The following RASSF6 variants were observed in gnomAD, a reference collection of about 807,000 sequenced individuals.
RASSF6 encodes ras association domain-containing protein 6.
In RASSF6, 52 loss-of-function variants were observed where a neutral mutation model predicts 44.0. The ratio of observed to expected loss-of-function variants is 1.18; its 90% CI spans 0.95 to 1.49. RASSF6 has a LOEUF of 1.49. RASSF6 is among the 40% of genes most tolerant of loss of function. The probability of loss-of-function intolerance (pLI) is 0.00; values close to 1 mark genes in which losing one functional copy is unlikely to be tolerated. For synonymous variants in RASSF6, 162 were observed against 124.6 expected, an observed-to-expected ratio of 1.30 and a Z score of -2.00; for missense variants, 464 against 393.3, an observed-to-expected ratio of 1.18 and a Z score of -1.52.
At chr4:73,618,116 A>G (rs1464823621) in intron 1 of RASSF6, among the ~76,000 whole-genome samples, 3 of 152,208 alleles carry the variant, frequency 2.0e-5, no homozygotes, top group Non-Finnish European at 4.4e-5. Context: ...TATTTTGAAT[A>G]TAACTGGAAA....
rs1388634689 is a variant in RASSF6, at chr4:73,572,411, A to G, written c.*3824T>C. ...AAAGAGTACATTTTTAAATGTTCTCACCACAAAGAAATTATAAGAGGTTAT... is the reference window on the plus strand; with the variant it reads ...AAAGAGTACATTTTTAAATGTTCTCGCCACAAAGAAATTATAAGAGGTTAT... On this transcript the variant is annotated 3_prime_UTR_variant, in exon 11 of 11. Transcript: ENST00000307439. The G allele has an allele frequency of 6.6e-6, 1 of 152,214 alleles. No homozygotes were observed. The highest frequency in any genetic ancestry group is 2.4e-5 in the African/African-American group (1 of 41,454). The allele number at this position is 152,214 out of a possible 1,614,324, so 9.4% of individuals were successfully genotyped here.
At chr4:73,591,807 C>T (rs1400661878) in intron 4 of RASSF6, among the ~76,000 whole-genome samples, 1 of 152,094 alleles carries the variant, frequency 6.6e-6, no homozygotes, top group African/African-American at 2.4e-5. Flanking sequence ...TTGCTCTATA[C>T]TATGGTTTGA....
At chr4:73,580,714 G>A (rs1320435061) in intron 8 of RASSF6, among the ~76,000 whole-genome samples, 1 of 144,968 alleles carries the variant, frequency 6.9e-6, no homozygotes, top group African/African-American at 2.5e-5. Context: ...ACTTTTTGAT[G>A]GGGTTGTTTG....
chr4:73,602,448 T>A (rs775675317), intron 2 of RASSF6, among the ~76,000 whole-genome samples: 4 of 152,222 alleles, frequency 2.6e-5, no homozygotes, highest in Non-Finnish European at 5.9e-5. Context: ...CTATAATAAT[T>A]ACAGGCATTG....
intron 8 of RASSF6, among the ~76,000 whole-genome samples, chr4:73,578,758 G>A (rs976999696): frequency 4.6e-5 from 7 of 151,682 alleles, no homozygotes; most frequent in Non-Finnish European, 5.9e-5. Context: ...ACAGGTGTGC[G>A]CCACCACACC....
In RASSF6 at chr4:73,585,182, C is replaced by T. The variant is rs1723979128; in HGVS notation, c.565G>A (p.Glu189Lys). Residue 189 changes from glutamate to lysine, a missense_variant and splice_region_variant, in exon 6 of 11, where the codon GAA becomes AAA. Coordinates refer to ENST00000307439, the MANE Select transcript of RASSF6 (RefSeq NM_177532.5). ...TAATGGAATTGTAACTCACTTACTTCATGGTTATAGAAGTGTCCATTAATA... is the reference window on the plus strand; with the variant it reads ...TAATGGAATTGTAACTCACTTACTTTATGGTTATAGAAGTGTCCATTAATA... ...ASINGHFYNHETSIFIPAFES... is the reference protein window; with the variant it reads ...ASINGHFYNHKTSIFIPAFES... 3 of 1,585,470 alleles carry T rather than the reference C, an allele frequency of 1.9e-6. No homozygotes were observed. Among genetic ancestry groups the T allele is most frequent in the Non-Finnish European group, 1.7e-6 (2 of 1,168,730 alleles).
At chr4:73,586,203 C>T (rs1724075486) in intron 5 of RASSF6, among the ~76,000 whole-genome samples, 1 of 151,660 alleles carries the variant, frequency 6.6e-6, no homozygotes, top group Non-Finnish European at 1.5e-5. Context: ...ACATTATGTT[C>T]TTTTTAGAAC....
intron 6 of RASSF6, among the ~76,000 whole-genome samples, chr4:73,584,307 G>A (rs1012263903): frequency 6.6e-6 from 1 of 152,090 alleles, no homozygotes; most frequent in African/African-American, 2.4e-5. Flanking sequence ...GGCCTCAGAA[G>A]ATACCTGGCA....
chr4:73,605,392 G>A (rs543021178), intron 2 of RASSF6, among the ~76,000 whole-genome samples: 1 of 152,178 alleles, frequency 6.6e-6, no homozygotes, highest in African/African-American at 2.4e-5. Context: ...AATAGAAGCA[G>A]AATTCTCCAA....
At chr4:73,598,591 CAT>C (rs761169986) in intron 3 of RASSF6, 47 bp downstream of exon 3, 90 of 870,592 alleles carry the variant, frequency 1.0e-4, no homozygotes, top group Non-Finnish European at 1.6e-4. Context: ...TGTGTGCACG[CAT>C]GTGTGTGTGT....
At chr4:73,576,552 T>A in intron 9 of RASSF6, 45 bp from the exon 10 acceptor site, 1 of 1,552,636 alleles carries the variant, frequency 6.4e-7, no homozygotes, top group African/African-American at 1.4e-5. Flanking sequence ...AGAACAATTA[T>A]GCAAGAGGTG....
intron 2 of RASSF6, among the ~76,000 whole-genome samples, chr4:73,600,206 G>A (rs993129612): frequency 6.6e-6 from 1 of 152,046 alleles, no homozygotes; most frequent in Non-Finnish European, 1.5e-5. Flanking sequence ...CTCCTCCATT[G>A]AATGTAGCTC....
At chr4:73,590,296 CAAAG>C in intron 4 of RASSF6, among the ~76,000 whole-genome samples, 1 of 152,120 alleles carries the variant, frequency 6.6e-6, no homozygotes, top group East Asian at 1.9e-4. Context: ...ATGATTCCGT[CAAAG>C]AGAGAACTGA....
chr4:73,592,496 G>C (rs935667684), intron 4 of RASSF6, among the ~76,000 whole-genome samples: 3 of 152,102 alleles, frequency 2.0e-5, no homozygotes, highest in Non-Finnish European at 4.4e-5. Context: ...AAGGATGAAA[G>C]GAACTTTTAT....
At position 73,573,924 on chromosome 4, in the gene RASSF6, T is replaced by A. The variant is rs1432314192; in HGVS notation, c.*2311A>T. ...ACACACTGCAAGAGGAAGGGGTCTT[T>A]CCTGATTCCTCCAGGCTGACAGGCC... is the stretch of plus-strand genomic sequence containing the variant. On this transcript the variant is annotated 3_prime_UTR_variant, in exon 11 of 11. Coordinates refer to ENST00000307439, the MANE Select transcript of RASSF6 (RefSeq NM_177532.5). The A allele has an allele frequency of 6.6e-6, 1 of 152,260 alleles. No individual in the cohort carries two copies. The highest frequency in any genetic ancestry group is 1.5e-5 in the Non-Finnish European group (1 of 68,070). 9.4% of individuals were successfully genotyped at this position (152,260 alleles called of 1,614,324 possible).
chr4:73,607,773 T>C (rs966865601), intron 2 of RASSF6, among the ~76,000 whole-genome samples: 7 of 152,102 alleles, frequency 4.6e-5, no homozygotes, highest in Non-Finnish European at 8.8e-5. Context: ...AGGTTTGAGC[T>C]ACAGCTTCAG....
intron 2 of RASSF6, among the ~76,000 whole-genome samples, chr4:73,608,143 G>A (rs75085493): frequency 0.08 from 11,892 of 147,954 alleles, 811 homozygotes; most frequent in East Asian, 0.33. Context: ...GAAAATTCAC[G>A]CATCCAGAAA....
intron 2 of RASSF6, chr4:73,604,643 C>T (rs1452573561): frequency 1.3e-5 from 2 of 152,198 alleles, no homozygotes; most frequent in African/African-American, 2.4e-5. Context: ...TTCTTTTTCC[C>T]ACTGATTTTG....
chr4:73,608,574 C>T (rs943479904), intron 2 of RASSF6, among the ~76,000 whole-genome samples: 3 of 152,150 alleles, frequency 2.0e-5, no homozygotes, highest in African/African-American at 7.2e-5. Flanking sequence ...AAACAATCCC[C>T]ATGTGGACAA....
Sources: allele counts gnomAD v4.1 joint callset (sites outside exome capture counted in the v4.1 genomes callset), GRCh38; gene constraint gnomAD v4.1.1; transcripts MANE v1.5; gene names NCBI Gene and HGNC (gene_info 2026-07-23, HGNC 2026-07-21).